Variants in PKD1L1 observed in about 807,000 individuals in gnomAD.
The protein encoded by PKD1L1 is polycystin 1 like 1, transient receptor potential channel interacting.
In PKD1L1, 236 loss-of-function variants were observed where a neutral mutation model predicts 323.4. That is an observed-to-expected ratio of 0.73 (90% confidence interval 0.66 to 0.81). PKD1L1 has a LOEUF of 0.81. Ranked by LOEUF, PKD1L1 falls within the 40% of genes least tolerant of loss-of-function variation. PKD1L1 has a pLI of 0.00. For missense variants in PKD1L1, 3,320 were observed against 3,508.0 expected (o/e 0.95, Z 1.35); for synonymous variants, 1,344 against 1,335.0 (o/e 1.01, Z -0.15).
chr7:47,921,535 C>T (rs1036108455), intron 7 of PKD1L1, among the ~76,000 whole-genome samples: 3 of 152,198 alleles, frequency 2.0e-5, no homozygotes, highest in East Asian at 1.9e-4. Context: ...TACTGGATAT[C>T]GATCCATTGG....
chr7:47,817,685 A>C (rs1785049131), intron 46 of PKD1L1, among the ~76,000 whole-genome samples: 1 of 152,150 alleles, frequency 6.6e-6, no homozygotes, highest in African/African-American at 2.4e-5. Context: ...CCTGGCCAAT[A>C]TGGCTAAACC....
At chr7:47,947,416 G>A (rs1254466600) in intron 1 of PKD1L1, among the ~76,000 whole-genome samples, 4 of 152,230 alleles carry the variant, frequency 2.6e-5, no homozygotes, top group African/African-American at 9.6e-5. Flanking sequence ...CTGCAGTGGC[G>A]GGGTACCCCA....
Position 47,894,028 on chromosome 7 carries a change from T to C in PKD1L1, c.2303A>G (p.Asn768Ser). The C allele has an allele frequency of 1.2e-6, 2 of 1,600,124 alleles. No individual in the cohort carries two copies. The highest frequency in any genetic ancestry group is 1.7e-6 in the Non-Finnish European group (2 of 1,173,202). ...VQIEGSVVYS[N>S]YCVGLEVRAQ... ...TCGCACCTCCAGGCCCACACAGTAG[T>C]TGCTGTACACCACACTGCCTTCAAT... The change falls in exon 15 of 57, where the codon AAC (asparagine) becomes AGC (serine). Residue 768 changes from asparagine (N) to serine (S), a missense_variant. Asn to Ser is a conservative substitution (Grantham distance 46, BLOSUM62 1). Coordinates refer to ENST00000289672, the MANE Select transcript of PKD1L1 (RefSeq NM_138295.5).
chr7:47,832,087 TACA>T (rs1785359219), intron 41 of PKD1L1, among the ~76,000 whole-genome samples: 1 of 152,212 alleles, frequency 6.6e-6, no homozygotes. Context: ...GGCAATCGAG[TACA>T]ACACCTTTCA....
intron 41 of PKD1L1, among the ~76,000 whole-genome samples, chr7:47,832,575 T>A (rs1455902553): frequency 6.6e-6 from 1 of 152,194 alleles, no homozygotes; most frequent in Non-Finnish European, 1.5e-5. Flanking sequence ...CATCTGCTCA[T>A]GTACCATGTG....
Position 47,811,868 on chromosome 7 carries a change from G to A in PKD1L1, c.7530C>T (p.Phe2510=). 1 of 1,611,086 alleles carries A rather than the reference G, an allele frequency of 6.2e-7. No homozygotes were observed. The highest frequency in any genetic ancestry group is 1.1e-5 in the South Asian group (1 of 90,088). ...GGGCTGAGTCGCTGCGGAAGATGCTGAATGACTCCACCAGGGATGAGGGGA... is the reference window on the plus strand; with the variant it reads ...GGGCTGAGTCGCTGCGGAAGATGCTAAATGACTCCACCAGGGATGAGGGGA... The part of the protein sequence containing the change: ...SLVPSSLVES[F]SIFRSDSALQ... Residue 2510 remains phenylalanine (F), a synonymous_variant, in exon 50 of 57, where the codon TTC becomes TTT. Transcript: ENST00000289672.
intron 46 of PKD1L1, among the ~76,000 whole-genome samples, chr7:47,819,029 T>G (rs989909195): frequency 7.2e-5 from 11 of 152,178 alleles, no homozygotes; most frequent in African/African-American, 2.7e-4. Context: ...GTTTCATCCA[T>G]TTCCACTCCT....
upstream of PKD1L1, among the ~76,000 whole-genome samples, chr7:47,952,212 T>A (rs1788214418): frequency 6.6e-6 from 1 of 152,184 alleles, no homozygotes; most frequent in African/African-American, 2.4e-5. Context: ...AAAGAAAAAT[T>A]GATAAGATCT....
intron 48 of PKD1L1, chr7:47,813,624 T>C (rs1341442241): frequency 1.5e-6 from 1 of 665,514 alleles, no homozygotes; most frequent in African/African-American, 1.8e-5. Flanking sequence ...TATGTGAATA[T>C]TCTATTTTTA....
intron 3 of PKD1L1, among the ~76,000 whole-genome samples, chr7:47,939,284 G>A (rs939732385): frequency 1.3e-5 from 2 of 152,160 alleles, no homozygotes; most frequent in African/African-American, 4.8e-5. Flanking sequence ...TGCTACGGAG[G>A]GGGTGGTTTA....
chr7:47,843,245 T>C (rs1277413999), intron 33 of PKD1L1, 76 bp from the exon 34 acceptor site: 3 of 1,137,380 alleles, frequency 2.6e-6, no homozygotes, highest in Non-Finnish European at 3.7e-6. Context: ...TTGCCACCCC[T>C]AGCCCCTTAC....
At chr7:47,935,388 C>T (rs1246508982) in intron 4 of PKD1L1, among the ~76,000 whole-genome samples, 2 of 152,002 alleles carry the variant, frequency 1.3e-5, no homozygotes, top group Non-Finnish European at 2.9e-5. Flanking sequence ...GATCAGATTT[C>T]CGGGGGACAG....
intron 14 of PKD1L1, among the ~76,000 whole-genome samples, chr7:47,897,118 A>T (rs2128749778): frequency 6.6e-6 from 1 of 152,170 alleles, no homozygotes; most frequent in East Asian, 1.9e-4. Context: ...GCTTCTGGCA[A>T]CTCCAGCATT....
intron 7 of PKD1L1, among the ~76,000 whole-genome samples, chr7:47,919,858 G>A (rs1011498344): frequency 6.6e-6 from 1 of 152,024 alleles, no homozygotes; most frequent in Non-Finnish European, 1.5e-5. Context: ...GCATACAAGG[G>A]ACATACCTCA....
At chr7:47,883,364 A>G (rs144318318) in intron 19 of PKD1L1, among the ~76,000 whole-genome samples, 157 of 152,322 alleles carry the variant, frequency 1.0e-3, no homozygotes, top group African/African-American at 3.7e-3. Context: ...CTGGGCAACT[A>G]GAGACCACCC....
intron 7 of PKD1L1, among the ~76,000 whole-genome samples, chr7:47,926,327 A>G (rs1042240789): frequency 1.3e-5 from 2 of 152,204 alleles, no homozygotes. Context: ...CCAATCAGAA[A>G]ATCTTTGTAT....
chr7:47,943,518 G>C lies in PKD1L1; in HGVS notation c.45-7C>G. ...GCAGGCAGCCTGGAGACACCTAAGG[G>C]AAAGAAAATAACCAGAGGAAAATTA... On this transcript the variant is annotated splice_polypyrimidine_tract_variant and splice_region_variant and intron_variant, in intron 1 of 56. Transcript: ENST00000289672. 1 of 1,607,368 alleles carries C rather than the reference G, an allele frequency of 6.2e-7. No homozygotes were observed. The highest frequency in any genetic ancestry group is 8.5e-7 in the Non-Finnish European group (1 of 1,174,660).
chr7:47,885,401 C>T (rs908734044), intron 18 of PKD1L1, among the ~76,000 whole-genome samples: 1 of 152,148 alleles, frequency 6.6e-6, no homozygotes, highest in African/African-American at 2.4e-5. Context: ...GATTAGGAAG[C>T]CGGTGTGGAG....
chr7:47,828,474 G>A (rs1295101955), intron 44 of PKD1L1, among the ~76,000 whole-genome samples: 1 of 152,008 alleles, frequency 6.6e-6, no homozygotes, highest in East Asian at 1.9e-4. Context: ...CAGGGCGGGG[G>A]GTGCAGGAGG....
Sources: allele counts gnomAD v4.1 joint callset (sites outside exome capture counted in the v4.1 genomes callset), GRCh38; gene constraint gnomAD v4.1.1; transcripts MANE v1.5; gene names NCBI Gene and HGNC (gene_info 2026-07-23, HGNC 2026-07-21).